RANGAP1: variants seen among roughly 807,000 people sequenced by gnomAD.
RANGAP1 encodes ran GTPase-activating protein 1.
Under a neutral mutation model 63.5 loss-of-function variants are expected in RANGAP1, and 38 were observed. The ratio of observed to expected loss-of-function variants is 0.60; its 90% CI spans 0.46 to 0.78. The LOEUF is 0.78. RANGAP1 is among the 30% of genes least tolerant of loss of function. RANGAP1 has a pLI of 0.00. For synonymous variants in RANGAP1, 329 were observed against 310.5 expected (o/e 1.06, Z -0.63); for missense variants, 630 against 740.3 (o/e 0.85, Z 1.73).
chr22:41,292,485 G>A, the RANGAP1 span, among the ~76,000 whole-genome samples: 112 of 152,054 alleles, frequency 7.4e-4, 1 homozygote, highest in African/African-American at 2.7e-3. Context: ...TTGTGGCCGG[G>A]TGCAATGTCT....
Position 41,264,851 on chromosome 22 carries a change from C to G in RANGAP1, c.301-8G>C, listed in dbSNP as rs1349763836. On this transcript the variant is annotated splice_polypyrimidine_tract_variant and splice_region_variant and intron_variant, in intron 4 of 15. Transcript: ENST00000356244. Reference sequence around the variant, plus strand: ...TCCTTCCCCTAGTGAGATCTGGGCACAGAGGAAGCTCGTGTCAGTTTCATA... The same window carrying G: ...TCCTTCCCCTAGTGAGATCTGGGCAGAGAGGAAGCTCGTGTCAGTTTCATA... 1.3e-6 allele frequency: 2 copies of G among 1,592,248 alleles called. No homozygotes were observed. The highest frequency in any genetic ancestry group is 3.4e-5 in the Admixed American group (2 of 59,420).
the RANGAP1 span, among the ~76,000 whole-genome samples, chr22:41,297,571 T>G: frequency 6.7e-6 from 1 of 148,446 alleles, no homozygotes; most frequent in Non-Finnish European, 1.5e-5. Context: ...AGTGCAGTGA[T>G]GAAGCCATGG....
At position 41,257,845 on chromosome 22, in the gene RANGAP1, G is replaced by C. The variant is rs945347149; in HGVS notation, c.774+103C>G. 21 of 1,353,752 alleles carry C rather than the reference G, an allele frequency of 1.6e-5. No individual in the cohort carries two copies. The highest frequency in any genetic ancestry group is 2.7e-4 in the Middle Eastern group (1 of 3,758). The allele number at this position is 1,353,752 out of a possible 1,614,324, so 83.9% of individuals were successfully genotyped here. ...GGGCACACACCCAGGGGGCAGGCAG[G>C]GGGTAGAGGAGTCCCTGCTAAACGG... is the stretch of plus-strand genomic sequence containing the variant. On this transcript the variant is annotated intron_variant, in intron 7 of 15. Coordinates refer to ENST00000356244, the MANE Select transcript of RANGAP1 (RefSeq NM_002883.4). This position sits in a 1 kb window ranked among gnomAD's most constrained non-coding sequence, Gnocchi z 4.0.
intron 6 of RANGAP1, among the ~76,000 whole-genome samples, chr22:41,261,088 C>T (rs959422332): frequency 3.3e-5 from 5 of 152,156 alleles, no homozygotes; most frequent in African/African-American, 1.2e-4. Context: ...TCTCTGTGCC[C>T]CACACCAGTG....
chr22:41,262,069 C>T (rs986572402), intron 5 of RANGAP1, among the ~76,000 whole-genome samples: 13 of 152,304 alleles, frequency 8.5e-5, no homozygotes, highest in Admixed American at 3.3e-4. Flanking sequence ...TTCTCTTCCA[C>T]GTTCCACAAT....
At chr22:41,248,618 A>G (rs894212467) in intron 15 of RANGAP1, among the ~76,000 whole-genome samples, 1 of 152,058 alleles carries the variant, frequency 6.6e-6, no homozygotes, top group Non-Finnish European at 1.5e-5. Flanking sequence ...AGACAATCTC[A>G]CCTAACCCCC....
intron 15 of RANGAP1, among the ~76,000 whole-genome samples, chr22:41,248,261 C>T (rs2033187533): frequency 6.6e-6 from 1 of 152,208 alleles, no homozygotes; most frequent in South Asian, 2.1e-4. Context: ...TAGCACCTGG[C>T]AGAGGAGGGG....
At chr22:41,250,757 G>A (rs907726772) in intron 13 of RANGAP1, among the ~76,000 whole-genome samples, 1 of 152,162 alleles carries the variant, frequency 6.6e-6, no homozygotes, top group African/African-American at 2.4e-5. Flanking sequence ...CCTAGAGCGG[G>A]CTATGGGTTC....
chr22:41,261,388 C>A, intron 6 of RANGAP1, 58 bp downstream of exon 6: 1 of 1,605,772 alleles, frequency 6.2e-7, no homozygotes, highest in Non-Finnish European at 8.5e-7. Flanking sequence ...GAACTGTCAG[C>A]CTACTATGCC....
At chr22:41,298,195 G>T in the RANGAP1 span, among the ~76,000 whole-genome samples, 1 of 151,140 alleles carries the variant, frequency 6.6e-6, no homozygotes, top group Non-Finnish European at 1.5e-5. Flanking sequence ...TAGAGACAGG[G>T]TTTCACCATA....
Position 41,245,909 on chromosome 22 carries a change from C to G in RANGAP1, c.*694G>C, listed in dbSNP as rs1350715853. The G allele has an allele frequency of 3.9e-5, 6 of 152,676 alleles. No homozygotes were observed. Among genetic ancestry groups the G allele is most frequent in the Non-Finnish European group, 8.8e-5 (6 of 68,486 alleles). 9.5% of individuals were successfully genotyped at this position (152,676 alleles called of 1,614,324 possible). ...GACATCTCAGCAGCCAGGAGAAGGC[C>G]CACTAGGTCCGGGGCCAGCGCAGTC... On this transcript the variant is annotated 3_prime_UTR_variant, in exon 16 of 16. Coordinates refer to ENST00000356244, the MANE Select transcript of RANGAP1 (RefSeq NM_002883.4).
chr22:41,286,824 G>A (rs2035764485), upstream of RANGAP1, among the ~76,000 whole-genome samples: 1 of 152,078 alleles, frequency 6.6e-6, no homozygotes, highest in South Asian at 2.1e-4. Context: ...AAAACACGGC[G>A]TCACCGTCCG....
chr22:41,256,734 G>T lies in RANGAP1; in HGVS notation c.865C>A (p.Arg289Ser), dbSNP rs771897708. ...KGAVAIADAI[R>S]GGLPKLKELN... ...ACCTTTAGCTTGGGCAGGCCGCCGC[G>T]GATGGCATCTGCAATGGCAACTGCA... The change falls in exon 8 of 16, where the codon CGC becomes AGC. Residue 289 changes from arginine to serine, a missense_variant. By Grantham distance (110) the Arg-to-Ser change is moderately radical (BLOSUM62 -1). Transcript: ENST00000356244. The T allele has an allele frequency of 6.8e-6, 11 of 1,613,856 alleles. No homozygotes were observed. In the African/African-American group the frequency reaches 1.3e-4, roughly 20 times the overall value.
Position 41,257,886 on chromosome 22 carries a change from G to C in RANGAP1, c.774+62C>G. ...TGCTAAACGGAGCCCCAGCTTCCCT[G>C]GAAAGACAGCAGCCAGCCTCTATCT... On this transcript the variant is annotated intron_variant, in intron 7 of 15. Transcript: ENST00000356244. This position sits in a 1 kb window ranked among gnomAD's most constrained non-coding sequence, Gnocchi z 4.0. The C allele has an allele frequency of 6.6e-7, 1 of 1,521,508 alleles. No homozygotes were observed. Among genetic ancestry groups the C allele is most frequent in the Non-Finnish European group, 8.9e-7 (1 of 1,122,800 alleles). The allele number at this position is 1,521,508 out of a possible 1,614,324, so 94.3% of individuals were successfully genotyped here.
At chr22:41,292,546 C>G in the RANGAP1 span, among the ~76,000 whole-genome samples, 112,913 of 151,606 alleles carry the variant, frequency 0.74, 42,701 homozygotes, top group Admixed American at 0.8. Context: ...GGATCACGAG[C>G]TCAGGATTTT....
chr22:41,299,263 G>C, the RANGAP1 span, among the ~76,000 whole-genome samples: 1 of 151,978 alleles, frequency 6.6e-6, no homozygotes, highest in South Asian at 2.1e-4. Context: ...CTCCCGAGTA[G>C]CTGGGACTAC....
At chr22:41,269,044 A>G (rs561545899) in intron 3 of RANGAP1, among the ~76,000 whole-genome samples, 4 of 152,338 alleles carry the variant, frequency 2.6e-5, no homozygotes, top group Admixed American at 2.6e-4. Flanking sequence ...CTTTCCATTC[A>G]TAGAAGTGCT....
In RANGAP1 at chr22:41,266,580, T is replaced by G. The variant is rs911011595; in HGVS notation, c.300+1517A>C. Among the ~76,000 whole-genome samples, 17 of 152,250 alleles carry G rather than the reference T, an allele frequency of 1.1e-4. 1 individual carries two copies. The highest frequency in any genetic ancestry group is 4.1e-4 in the African/African-American group (17 of 41,554). The stretch of plus-strand genomic sequence containing the variant: ...GAGTCTCGCTTTCTCTCACCCAAGG[T>G]TGCAATGCAATGGCACAATCTCAGC... On this transcript the variant is annotated intron_variant, in intron 4 of 15. Coordinates refer to ENST00000356244, the MANE Select transcript of RANGAP1 (RefSeq NM_002883.4).
intron 6 of RANGAP1, among the ~76,000 whole-genome samples, chr22:41,259,190 T>C (rs1366486344): frequency 6.6e-6 from 1 of 152,152 alleles, no homozygotes; most frequent in Admixed American, 6.5e-5. Context: ...GAGGGCCATG[T>C]CCCAGTCTCC....
Sources: allele counts gnomAD v4.1 joint callset (sites outside exome capture counted in the v4.1 genomes callset), GRCh38; gene constraint gnomAD v4.1.1; non-coding constraint Gnocchi (gnomAD v3.1); transcripts MANE v1.5; gene names NCBI Gene and HGNC (gene_info 2026-07-23, HGNC 2026-07-21).